NFU1: variants seen among roughly 807,000 people sequenced by gnomAD.
NFU1 encodes the protein NFU1 iron-sulfur cluster scaffold.
A neutral mutation model predicts 32.2 loss-of-function variants in NFU1; 30 were observed. The ratio of observed to expected loss-of-function variants is 0.93; its 90% confidence interval spans 0.70 to 1.26. The LOEUF is 1.26. NFU1 is among the 50% of genes most tolerant of loss of function. The pLI is 0.00. For synonymous variants in NFU1, 112 were observed against 104.6 expected (o/e 1.07, Z -0.43); for missense variants, 306 against 306.6 (o/e 1.00, Z 0.02).
At chr2:69,423,152 GTGTGTGTGTGTGTGTA>G (rs1483047347) in intron 3 of NFU1, among the ~76,000 whole-genome samples, 1 of 99,026 alleles carries the variant, frequency 1.0e-5, no homozygotes, top group African/African-American at 4.1e-5. Context: ...AAATTTGTGT[GTGTGTGTGTGTGTGTA>G]TGTGTGTGTG....
At chr2:69,411,096 TATA>T (rs1205785549) in intron 5 of NFU1, 11 of 152,122 alleles carry the variant, frequency 7.2e-5, no homozygotes, top group Non-Finnish European at 1.5e-4. Flanking sequence ...AAGACCCATG[TATA>T]ATATTATAAA....
At chr2:69,412,465 C>T (rs1350510940) in intron 5 of NFU1, among the ~76,000 whole-genome samples, 1 of 151,920 alleles carries the variant, frequency 6.6e-6, no homozygotes, top group Non-Finnish European at 1.5e-5. Flanking sequence ...CAGCTCACTG[C>T]AACCTCCGCC....
intron 2 of NFU1, among the ~76,000 whole-genome samples, chr2:69,425,369 T>C (rs1192104935): frequency 1.3e-5 from 2 of 151,554 alleles, no homozygotes; most frequent in Non-Finnish European, 2.9e-5. Flanking sequence ...TTTTTTTTTT[T>C]TTTGAGATGG....
At chr2:69,406,000 A>G (rs759553830) in intron 6 of NFU1, 22 bp downstream of exon 6, 2 of 1,503,112 alleles carry the variant, frequency 1.3e-6, no homozygotes, top group Non-Finnish European at 1.9e-6. Context: ...ACTTGAATTC[A>G]GGTAGAGAGA....
rs79037367 is a variant in NFU1, at chr2:69,430,626, G to A, written c.166+1276C>T. Among the ~76,000 whole-genome samples, 347 of 152,088 alleles carry A rather than the reference G, an allele frequency of 2.3e-3. 1 individual carries two copies. The highest frequency in any genetic ancestry group is 8.0e-3 in the African/African-American group (330 of 41,484). On this transcript the variant is annotated intron_variant, in intron 2 of 7. Coordinates refer to ENST00000410022, the MANE Select transcript of NFU1 (RefSeq NM_001002755.4). ...TCAATATCAATGACTAAAATTAATG[G>A]GTTTCCTATTTGAAAAGCCTATATG...
At chr2:69,403,777 C>T (rs1672600817) in intron 6 of NFU1, among the ~76,000 whole-genome samples, 1 of 152,040 alleles carries the variant, frequency 6.6e-6, no homozygotes, top group African/African-American at 2.4e-5. Context: ...TACTAATCTT[C>T]TCTTCAACTA....
intron 3 of NFU1, among the ~76,000 whole-genome samples, chr2:69,423,236 C>A (rs1673315167): frequency 1.2e-5 from 1 of 82,760 alleles, no homozygotes; most frequent in Admixed American, 1.4e-4. Flanking sequence ...GATGGGCTCT[C>A]TGTGTGAGTG....
intron 7 of NFU1, 24 bp from the exon 8 acceptor site, chr2:69,396,314 T>C: frequency 1.3e-6 from 2 of 1,555,136 alleles, no homozygotes; most frequent in Non-Finnish European, 1.8e-6. Flanking sequence ...ACAAAGACAA[T>C]TTAAGAATTA....
chr2:69,434,832 G>C (rs949350968), intron 1 of NFU1, among the ~76,000 whole-genome samples: 2 of 152,100 alleles, frequency 1.3e-5, no homozygotes, highest in South Asian at 2.1e-4. Context: ...AGTCTCTCTG[G>C]ATCTGAGGCT....
upstream of NFU1, among the ~76,000 whole-genome samples, chr2:69,439,474 G>A (rs77191403): frequency 0.012 from 1,898 of 152,296 alleles, 14 homozygotes; most frequent in Admixed American, 0.019. Flanking sequence ...CATAAAGACA[G>A]CACGGGCCCA....
chr2:69,406,035 C>T lies in NFU1; in HGVS notation c.532G>A (p.Asp178Asn), dbSNP rs200917085. The T allele has an allele frequency of 6.3e-7, 1 of 1,599,680 alleles. No homozygotes were observed. The highest frequency in any genetic ancestry group is 1.3e-5 in the African/African-American group (1 of 74,770). Residue 178 changes from aspartate to asparagine, a missense_variant, in exon 6 of 8, where the codon GAT becomes AAT. Physicochemically the swap from Asp to Asn is conservative, Grantham distance 23 (BLOSUM62 1). Coordinates refer to ENST00000410022, the MANE Select transcript of NFU1 (RefSeq NM_001002755.4). ...AGGAGCACGTACCGTATTCTAGTAT[C>T]TAACAATTCCTTAATCATTGCCACA... The part of the protein sequence containing the change: ...EVVAMIKELL[D>N]TRIRPTVQED...
intron 5 of NFU1, among the ~76,000 whole-genome samples, chr2:69,406,665 G>T (rs900928302): frequency 1.3e-5 from 2 of 152,118 alleles, no homozygotes; most frequent in Non-Finnish European, 2.9e-5. Flanking sequence ...CAACCTCCTG[G>T]GCTCAAGCAG....
chr2:69,415,487 C>A (rs1344863503), intron 4 of NFU1, among the ~76,000 whole-genome samples, 188 bp from the exon 5 acceptor site: 1 of 151,758 alleles, frequency 6.6e-6, no homozygotes, highest in African/African-American at 2.4e-5. Context: ...TCAAGCGATT[C>A]TCCTGCCTCA....
chr2:69,396,203 TCAA>T lies in NFU1; in HGVS notation c.*40_*42del. Reference sequence around the variant, plus strand: ...AATAATAAAAACTTGATATATATTATCAACAAGTCTGACTGTTATGCCCAAAGA... The same window carrying T: ...AATAATAAAAACTTGATATATATTATCAAGTCTGACTGTTATGCCCAAAGA... On this transcript the variant is annotated 3_prime_UTR_variant, in exon 8 of 8. Transcript: ENST00000410022. 2.0e-6 allele frequency: 3 copies of T among 1,501,284 alleles called. No individual in the cohort carries two copies. The highest frequency in any genetic ancestry group is 1.8e-6 in the Non-Finnish European group (2 of 1,081,582). 93.0% of individuals were successfully genotyped at this position (1,501,284 alleles called of 1,614,324 possible).
chr2:69,439,188 G>C (rs916817942), upstream of NFU1, among the ~76,000 whole-genome samples: 1 of 152,070 alleles, frequency 6.6e-6, no homozygotes, highest in Non-Finnish European at 1.5e-5. Context: ...CCTGAAACGA[G>C]GCTTCTATGT....
intron 2 of NFU1, among the ~76,000 whole-genome samples, chr2:69,430,590 G>A (rs989735407): frequency 6.6e-6 from 1 of 152,024 alleles, no homozygotes; most frequent in Non-Finnish European, 1.5e-5. Context: ...ACAGATTAGT[G>A]GTGCTTAAAG....
intron 5 of NFU1, among the ~76,000 whole-genome samples, chr2:69,410,044 A>G (rs1443335414): frequency 1.3e-5 from 2 of 152,180 alleles, no homozygotes; most frequent in Non-Finnish European, 2.9e-5. Context: ...AATATACAAA[A>G]ATCAACAGTA....
At chr2:69,404,494 A>G (rs1393488508) in intron 6 of NFU1, among the ~76,000 whole-genome samples, 1 of 151,826 alleles carries the variant, frequency 6.6e-6, no homozygotes, top group African/African-American at 2.4e-5. Context: ...GTCTCAAAAA[A>G]AAAATATCTG....
At chr2:69,411,457 A>G (rs1672875136) in intron 5 of NFU1, among the ~76,000 whole-genome samples, 1 of 152,242 alleles carries the variant, frequency 6.6e-6, no homozygotes, top group African/African-American at 2.4e-5. Flanking sequence ...ATTAAAATGA[A>G]AATTTTCTGT....
Sources: allele counts gnomAD v4.1 joint callset (sites outside exome capture counted in the v4.1 genomes callset), GRCh38; gene constraint gnomAD v4.1.1; transcripts MANE v1.5; gene names NCBI Gene and HGNC (gene_info 2026-07-23, HGNC 2026-07-21).